TFG: variants seen among roughly 807,000 people sequenced by gnomAD.
The protein encoded by TFG is trafficking from ER to golgi regulator.
TFG carries 22 observed loss-of-function variants against 51.4 expected under a neutral mutation model. The observed-to-expected ratio is 0.43, with a 90% CI of 0.31 to 0.61. TFG has a LOEUF of 0.61. TFG is among the 20% of genes least tolerant of loss of function. TFG has a pLI of 0.12. For missense variants in TFG, 419 were observed against 487.7 expected (o/e 0.86, Z 1.33); for synonymous variants, 187 against 165.6 (o/e 1.13, Z -0.99).
At chr3:100,740,901 A>G (rs1488015266) in intron 6 of TFG, among the ~76,000 whole-genome samples, 1 of 152,184 alleles carries the variant, frequency 6.6e-6, no homozygotes, top group Non-Finnish European at 1.5e-5. Context: ...TGGACTGCAT[A>G]TATGATGGTG....
At chr3:100,728,602 T>G in intron 3 of TFG, 110 bp from the exon 4 acceptor site, 9 of 891,434 alleles carry the variant, frequency 1.0e-5, no homozygotes, top group Non-Finnish European at 1.3e-5. Flanking sequence ...TACATTGATA[T>G]CTTGTTTTTG....
rs1229175109 is a variant in TFG at position 100,709,557 on chromosome 3, T to C, written c.-208T>C. ...CGCTAGGCTTGTTGGGTCAGCGCGA[T>C]TGGCCGGGGCCCGCGCGAGCCTGCG... On this transcript the variant is annotated 5_prime_UTR_variant, in exon 1 of 8. Transcript: ENST00000240851. The C allele has an allele frequency of 6.6e-6, 1 of 151,842 alleles. No individual in the cohort carries two copies. The highest frequency in any genetic ancestry group is 1.5e-5 in the Non-Finnish European group (1 of 67,932). 9.4% of individuals were successfully genotyped at this position (151,842 alleles called of 1,614,324 possible). A position where few individuals can be genotyped will look rare whatever the true frequency, so the allele number is the denominator to read the frequency against.
intron 5 of TFG, among the ~76,000 whole-genome samples, chr3:100,732,918 C>A (rs558656792): frequency 1.8e-3 from 272 of 152,264 alleles, no homozygotes; most frequent in Non-Finnish European, 3.1e-3. Context: ...CACCCTCCCC[C>A]TTAAAGAATA....
intron 6 of TFG, among the ~76,000 whole-genome samples, chr3:100,738,924 A>G (rs2095114031): frequency 6.6e-6 from 1 of 152,180 alleles, no homozygotes; most frequent in South Asian, 2.1e-4. Context: ...TTTTTTTGGT[A>G]CTGTGTATTG....
At chr3:100,713,966 T>A in intron 2 of TFG, 97 bp downstream of exon 2, 1 of 728,002 alleles carries the variant, frequency 1.4e-6, no homozygotes, top group Non-Finnish European at 2.0e-6. Context: ...AGTGGTGTGA[T>A]CATAGCTCAG....
In TFG at chr3:100,744,830, C is replaced by T; in HGVS notation, c.722-3C>T. 6.2e-7 allele frequency: 1 copy of T among 1,607,276 alleles called. No individual in the cohort carries two copies. The highest frequency in any genetic ancestry group is 2.2e-5 in the East Asian group (1 of 44,786). On this transcript the variant is annotated splice_region_variant and splice_polypyrimidine_tract_variant and intron_variant, in intron 6 of 7. Coordinates refer to ENST00000240851, the MANE Select transcript of TFG (RefSeq NM_006070.6). Reference sequence around the variant, plus strand: ...CCTTGTGTGTGTGTGTGTGTGTTTTCAGGTCAGATGTACCAACAGTACCAG... The same window carrying T: ...CCTTGTGTGTGTGTGTGTGTGTTTTTAGGTCAGATGTACCAACAGTACCAG...
intron 1 of TFG, chr3:100,711,081 G>C (rs2095029719): frequency 1.3e-5 from 2 of 151,628 alleles, no homozygotes; most frequent in African/African-American, 4.9e-5. Flanking sequence ...AAACACGGCA[G>C]ATAGAAAGTA....
chr3:100,746,992 A>G, intron 7 of TFG, among the ~76,000 whole-genome samples: 1 of 152,188 alleles, frequency 6.6e-6, no homozygotes, highest in East Asian at 1.9e-4. Flanking sequence ...TGCGTTAAAG[A>G]TACTTGATTT....
chr3:100,725,477 TGAAAAAA>T lies in TFG; in HGVS notation c.269-3234_269-3228del, dbSNP rs1333949248. Among the ~76,000 whole-genome samples, 4 of 151,370 alleles carry T rather than the reference TGAAAAAA, an allele frequency of 2.6e-5. No homozygotes were observed. The East Asian group carries it at 7.8e-4, about 30-fold the overall frequency. The stretch of plus-strand genomic sequence containing the variant: ...ATTTCTTAGTGGTTAGGAGCAAAGA[TGAAAAAA>T]ATACTAAGATTTGGCCAGGTGCGGT... On this transcript the variant is annotated intron_variant, in intron 3 of 7. Transcript: ENST00000240851.
chr3:100,718,228 T>C (rs2095051532), intron 2 of TFG, among the ~76,000 whole-genome samples: 1 of 152,198 alleles, frequency 6.6e-6, no homozygotes, highest in African/African-American at 2.4e-5. Flanking sequence ...TGCCTGGCCT[T>C]TAACTGCCTT....
Position 100,748,516 on chromosome 3 carries a change from A to C in TFG, c.1188A>C (p.Gly396=). The change falls in exon 8 of 8, where the codon GGA becomes GGC. Residue 396 remains glycine (G), a synonymous_variant. Transcript: ENST00000240851. ...TTGGTCAGGGCTATACCCAACCTGGACCTGGTTATCGATAAGGAGGCTCCT... is the reference window on the plus strand; with the variant it reads ...TTGGTCAGGGCTATACCCAACCTGGCCCTGGTTATCGATAAGGAGGCTCCT... ...PPFGQGYTQP[G]PGYR 6.2e-7 allele frequency: 1 copy of C among 1,611,398 alleles called. No homozygotes were observed. The highest frequency in any genetic ancestry group is 8.5e-7 in the Non-Finnish European group (1 of 1,177,992).
At chr3:100,732,790 G>C in intron 5 of TFG, 118 bp downstream of exon 5, 1 of 870,134 alleles carries the variant, frequency 1.1e-6, no homozygotes, top group Non-Finnish European at 1.7e-6. Context: ...AAATCTTAAG[G>C]GTTCTGCTTA....
chr3:100,718,132 G>T (rs1025625224), intron 2 of TFG, among the ~76,000 whole-genome samples: 1 of 152,082 alleles, frequency 6.6e-6, no homozygotes, highest in Non-Finnish European at 1.5e-5. Context: ...TCACTGTGTT[G>T]CCCAGGCTGG....
upstream of TFG, chr3:100,709,329 G>C (rs2095022070): frequency 1.3e-5 from 2 of 152,290 alleles, no homozygotes; most frequent in African/African-American, 4.8e-5. Context: ...GGCAGCTCAC[G>C]CTTCCTAAAT....
chr3:100,713,410 A>G (rs768205562), intron 1 of TFG, among the ~76,000 whole-genome samples: 2 of 152,242 alleles, frequency 1.3e-5, no homozygotes, highest in African/African-American at 2.4e-5. Flanking sequence ...CTAAATGGTC[A>G]TGTCAGATGA....
chr3:100,727,199 C>A (rs2095078397), intron 3 of TFG, among the ~76,000 whole-genome samples: 1 of 152,152 alleles, frequency 6.6e-6, no homozygotes, highest in Admixed American at 6.5e-5. Context: ...GGCCAGCTTC[C>A]AGCAACACTA....
Position 100,718,974 on chromosome 3 carries a change from A to C in TFG, c.185-1001A>C, listed in dbSNP as rs377256112. 8.5e-5 allele frequency among the ~76,000 whole-genome samples: 13 copies of C among 152,344 alleles called. 1 individual carries two copies. The highest frequency in any genetic ancestry group is 3.1e-4 in the African/African-American group (13 of 41,574). ...CTCTGTTTCTGTTGTAGGATTCAGA[A>C]AAGAAAAAAAGAACAGGAAGTTTTC... On this transcript the variant is annotated intron_variant, in intron 2 of 7. Transcript: ENST00000240851.
chr3:100,730,222 A>AT (rs1379249088), intron 4 of TFG, among the ~76,000 whole-genome samples: 1 of 152,198 alleles, frequency 6.6e-6, no homozygotes, highest in Non-Finnish European at 1.5e-5. Context: ...CTGTTCAGAA[A>AT]TTAGCTACAG....
At chr3:100,717,439 ATAATT>A (rs988980430) in intron 2 of TFG, among the ~76,000 whole-genome samples, 46 of 152,342 alleles carry the variant, frequency 3.0e-4, no homozygotes, top group African/African-American at 1.1e-3. Context: ...ATTTTTATGA[ATAATT>A]TTATTGGTAG....
Sources: gnomAD v4.1 joint callset for allele counts (sites outside exome capture counted in the v4.1 genomes callset) on GRCh38, gnomAD v4.1.1 for gene constraint, MANE v1.5 for transcripts, NCBI Gene and HGNC (gene_info 2026-07-23, HGNC 2026-07-21) for gene names.